The following LOC400499 variants were observed in gnomAD, a reference collection of about 807,000 sequenced individuals.
the LOC400499 span, among the ~76,000 whole-genome samples, chr16:11,376,469 A>G: frequency 6.6e-6 from 1 of 152,084 alleles, no homozygotes; most frequent in Non-Finnish European, 1.5e-5. Context: ...CCAATTCAAT[A>G]GTCTTGGCAT....
chr16:11,493,352 A>T, the LOC400499 span, among the ~76,000 whole-genome samples: 1 of 152,212 alleles, frequency 6.6e-6, no homozygotes, highest in Non-Finnish European at 1.5e-5. Context: ...TTATTGAGAA[A>T]AACAGACCAA....
chr16:11,492,972 G>C, the LOC400499 span, among the ~76,000 whole-genome samples: 1 of 152,128 alleles, frequency 6.6e-6, no homozygotes, highest in Admixed American at 6.6e-5. Flanking sequence ...GGGACATCTG[G>C]AGGAAAAGTG....
the LOC400499 span, chr16:11,381,083 A>G: frequency 6.6e-6 from 1 of 152,142 alleles, no homozygotes; most frequent in Non-Finnish European, 1.5e-5. Flanking sequence ...CGCTGAAATC[A>G]CAGCCTGGCC....
the LOC400499 span, chr16:11,485,008 C>G: frequency 2.5e-6 from 1 of 399,092 alleles, no homozygotes; most frequent in Non-Finnish European, 4.4e-6. Flanking sequence ...CTTCCTGACC[C>G]CAGAATGACT....
the LOC400499 span, among the ~76,000 whole-genome samples, chr16:11,375,856 A>G: frequency 1.3e-5 from 2 of 151,468 alleles, no homozygotes; most frequent in Admixed American, 1.3e-4. Flanking sequence ...CAGCCTCCCA[A>G]GTAGCTGGGA....
chr16:11,450,459 T>A, the LOC400499 span: 1 of 704,708 alleles, frequency 1.4e-6, no homozygotes, highest in Non-Finnish European at 2.3e-6. Context: ...GGAACTAAAC[T>A]CTGATAGTTG....
chr16:11,510,790 C>T, the LOC400499 span, among the ~76,000 whole-genome samples: 3 of 151,510 alleles, frequency 2.0e-5, no homozygotes, highest in Non-Finnish European at 4.4e-5. Context: ...AATTCTCCCA[C>T]GACAGTTGGG....
chr16:11,407,737 G>A, the LOC400499 span, among the ~76,000 whole-genome samples: 1 of 152,118 alleles, frequency 6.6e-6, no homozygotes, highest in Non-Finnish European at 1.5e-5. Flanking sequence ...CTACCACTGA[G>A]AGGTGAGTGA....
the LOC400499 span, among the ~76,000 whole-genome samples, chr16:11,457,970 G>A: frequency 6.6e-6 from 1 of 152,254 alleles, no homozygotes; most frequent in African/African-American, 2.4e-5. Context: ...GGGAGGCCGA[G>A]GCAGGTGGAT....
At chr16:11,414,148 T>C in the LOC400499 span, among the ~76,000 whole-genome samples, 14 of 152,266 alleles carry the variant, frequency 9.2e-5, no homozygotes, top group East Asian at 3.9e-4. Context: ...AGCCCTGTGA[T>C]TGGAAATGCA....
the LOC400499 span, among the ~76,000 whole-genome samples, chr16:11,432,610 G>T: frequency 6.6e-6 from 1 of 152,204 alleles, no homozygotes; most frequent in Admixed American, 6.6e-5. Flanking sequence ...AAAAGGAACA[G>T]CCCCAAGAAG....
the LOC400499 span, among the ~76,000 whole-genome samples, chr16:11,463,900 T>C: frequency 6.6e-6 from 1 of 152,192 alleles, no homozygotes; most frequent in Non-Finnish European, 1.5e-5. Context: ...TGTACAGATA[T>C]GTCCACATGT....
the LOC400499 span, among the ~76,000 whole-genome samples, chr16:11,509,817 G>T: frequency 6.6e-6 from 1 of 152,112 alleles, no homozygotes; most frequent in East Asian, 1.9e-4. Flanking sequence ...GGTGACAAGA[G>T]TGAGACTCTG....
At chr16:11,437,896 C>G in the LOC400499 span, among the ~76,000 whole-genome samples, 2 of 152,106 alleles carry the variant, frequency 1.3e-5, no homozygotes, top group African/African-American at 4.8e-5. Context: ...ATAATGTTTG[C>G]ACTCATTAGA....
chr16:11,425,148 T>C, the LOC400499 span: 37 of 398,934 alleles, frequency 9.3e-5, no homozygotes, highest in Admixed American at 1.8e-4. Flanking sequence ...CGTGCTGATA[T>C]TGTGTGTCGG....
the LOC400499 span, among the ~76,000 whole-genome samples, chr16:11,397,785 G>GGATGGATGGATGGATGGAT: frequency 2.8e-4 from 35 of 123,156 alleles, no homozygotes; most frequent in African/African-American, 8.5e-4. Context: ...GAGGGAGGGA[G>GGATGGATGGATGGATGGAT]GGAGGGAGGG....
the LOC400499 span, chr16:11,414,264 C>T: frequency 2.5e-6 from 1 of 399,078 alleles, no homozygotes; most frequent in Non-Finnish European, 4.4e-6. Context: ...ACCCTGCACA[C>T]AGCGGGTCCT....
the LOC400499 span, chr16:11,515,842 AGGGGCCC>A: frequency 5.2e-6 from 2 of 382,072 alleles, no homozygotes; most frequent in Non-Finnish European, 9.1e-6. Context: ...AGCAGCAGTC[AGGGGCCC>A]GGCCCAGCCC....
the LOC400499 span, chr16:11,475,794 G>C: frequency 1.3e-5 from 5 of 396,238 alleles, no homozygotes; most frequent in South Asian, 5.4e-4. Flanking sequence ...AGCTGCCAGA[G>C]CTTGGCACAG....
Sources: allele counts gnomAD v4.1 joint callset (sites outside exome capture counted in the v4.1 genomes callset), GRCh38; gene constraint gnomAD v4.1.1; transcripts MANE v1.5.